The following KCNQ1 variants were observed in gnomAD, a reference collection of about 807,000 sequenced individuals.
The protein encoded by KCNQ1 is potassium voltage-gated channel subfamily KQT member 1.
In KCNQ1, 49 loss-of-function variants were observed where a neutral mutation model predicts 72.4. The observed-to-expected ratio is 0.68, with a 90% CI of 0.54 to 0.86. The LOEUF (loss-of-function observed/expected upper bound fraction) is 0.86, where lower values mean the gene tolerates loss of function less well. Ranked by LOEUF, KCNQ1 falls within the 40% of genes least tolerant of loss-of-function variation. KCNQ1 has a pLI of 0.00. For synonymous variants in KCNQ1, 450 were observed against 412.6 expected (o/e 1.09, Z -1.10); for missense variants, 790 against 945.1 (o/e 0.84, Z 2.15).
In KCNQ1 at chr11:2,603,134, C is replaced by T. The variant is rs1222376516; in HGVS notation, c.1393+14280C>T. Among the ~76,000 whole-genome samples, 2 of 152,204 alleles carry T rather than the reference C, an allele frequency of 1.3e-5. No homozygotes were observed. Among genetic ancestry groups the T allele is most frequent in the Non-Finnish European group, 2.9e-5 (2 of 68,034 alleles). ...GAGATATTGTGGTTCGGTTCCAGTACACTGCAATGAAGCAAATATTGCAAT... is the reference window on the plus strand; with the variant it reads ...GAGATATTGTGGTTCGGTTCCAGTATACTGCAATGAAGCAAATATTGCAAT... On this transcript the variant is annotated intron_variant, in intron 10 of 15. Transcript: ENST00000155840. The surrounding 1 kb of genome is among the most constrained non-coding windows in gnomAD (Gnocchi z 4.1).
In KCNQ1 at chr11:2,592,671, A is replaced by G. The variant is rs1305873918; in HGVS notation, c.1393+3817A>G. ...CACTTGGCTTGGCAGTGTCAAAGGG[A>G]CTGGGGACCTGCGAGGATGCGGTGG... On this transcript the variant is annotated intron_variant, in intron 10 of 15. Coordinates refer to ENST00000155840, the MANE Select transcript of KCNQ1 (RefSeq NM_000218.3). This position sits in a 1 kb window ranked among gnomAD's most constrained non-coding sequence, Gnocchi z 5.2. Among the ~76,000 whole-genome samples, 1 of 152,206 alleles carries G rather than the reference A, an allele frequency of 6.6e-6. No homozygotes were observed. Among genetic ancestry groups the G allele is most frequent in the Non-Finnish European group, 1.5e-5 (1 of 68,028 alleles).
At chr11:2,548,948 A>G (rs1847939066) in intron 2 of KCNQ1, among the ~76,000 whole-genome samples, 1 of 152,180 alleles carries the variant, frequency 6.6e-6, no homozygotes, top group Non-Finnish European at 1.5e-5. Context: ...CCACTGCCCC[A>G]GCCCTCCTGA....
chr11:2,656,839 T>G (rs975736244), intron 10 of KCNQ1: 1 of 398,544 alleles, frequency 2.5e-6, no homozygotes, highest in African/African-American at 2.1e-5. Context: ...CCTTTATAGT[T>G]ATGCTTTTCA....
intron 1 of KCNQ1, among the ~76,000 whole-genome samples, chr11:2,449,021 G>A (rs1240525775): frequency 1.3e-5 from 2 of 152,232 alleles, no homozygotes; most frequent in African/African-American, 4.8e-5. Context: ...CAGGAGGGTG[G>A]TAGGGACTTG....
intron 6 of KCNQ1, among the ~76,000 whole-genome samples, chr11:2,575,526 T>C: frequency 6.6e-6 from 1 of 152,234 alleles, no homozygotes; most frequent in East Asian, 1.9e-4. Flanking sequence ...GCAGCCCAGA[T>C]GGGGGCTTTT....
At chr11:2,680,007 C>T in intron 11 of KCNQ1, 1 of 396,892 alleles carries the variant, frequency 2.5e-6, no homozygotes, top group Non-Finnish European at 4.4e-6. Context: ...AATTCTCCTG[C>T]CTTAGCCTCC....
rs182087992 is a variant in KCNQ1 at position 2,826,143 on chromosome 11, G to A, written c.1795-21624G>A. On this transcript the variant is annotated intron_variant, in intron 15 of 15. Coordinates refer to ENST00000155840, the MANE Select transcript of KCNQ1 (RefSeq NM_000218.3). This position sits in a 1 kb window ranked among gnomAD's most constrained non-coding sequence, Gnocchi z 4.2. ...ATGCCAATGTCTTGAGTAATTATTG[G>A]GGGGCGGGGGCTGTCCAGCCCGCAG... 6.4e-3 allele frequency among the ~76,000 whole-genome samples: 971 copies of A among 152,376 alleles called. 7 individuals carry two copies. Among genetic ancestry groups the A allele is most frequent in the Admixed American group, 0.013 (198 of 15,314 alleles).
intron 11 of KCNQ1, among the ~76,000 whole-genome samples, chr11:2,730,436 C>T (rs924364396): frequency 6.6e-6 from 1 of 152,198 alleles, no homozygotes; most frequent in African/African-American, 2.4e-5. Context: ...CCCCACCTCC[C>T]TTGGCTTGTG....
intron 10 of KCNQ1, chr11:2,643,132 C>A (rs1590000511): frequency 2.5e-6 from 1 of 398,034 alleles, no homozygotes; most frequent in African/African-American, 2.1e-5. Context: ...AGTGTATATT[C>A]TGCAGCTGTT....
chr11:2,760,420 G>A (rs1425216136), intron 11 of KCNQ1, among the ~76,000 whole-genome samples: 3 of 152,240 alleles, frequency 2.0e-5, no homozygotes, highest in African/African-American at 7.2e-5. Flanking sequence ...GAACAGGTGA[G>A]ATACAGGTCA....
chr11:2,620,923 T>C lies in KCNQ1; in HGVS notation c.1393+32069T>C. 2.6e-6 allele frequency: 1 copy of C among 383,730 alleles called. No homozygotes were observed. The highest frequency in any genetic ancestry group is 5.0e-5 in the Admixed American group (1 of 19,992). The allele number at this position is 383,730 out of a possible 1,614,324, so 23.8% of individuals were successfully genotyped here. On this transcript the variant is annotated intron_variant, in intron 10 of 15. Transcript: ENST00000155840. This position sits in a 1 kb window ranked among gnomAD's most constrained non-coding sequence, Gnocchi z 4.5. ...ATGGCATCCCATTATGGTTTGGTGT[T>C]TTTTTGTTGTTGTTGTTTTGTTTTG...
intron 15 of KCNQ1, among the ~76,000 whole-genome samples, chr11:2,811,451 G>A (rs1396777137): frequency 6.6e-6 from 1 of 152,252 alleles, no homozygotes; most frequent in Non-Finnish European, 1.5e-5. Context: ...CTGCACGCAT[G>A]AGGCTGTGCC....
chr11:2,660,134 G>T, intron 10 of KCNQ1: 1 of 398,334 alleles, frequency 2.5e-6, no homozygotes, highest in East Asian at 3.6e-5. Flanking sequence ...AGGTCCTGGA[G>T]ATTTTCTCTT....
At chr11:2,616,860 G>A in intron 10 of KCNQ1, 2 of 398,206 alleles carry the variant, frequency 5.0e-6, no homozygotes, top group Non-Finnish European at 8.9e-6. Context: ...GTGTAGTTGG[G>A]TGGAGTGTCC....
intron 6 of KCNQ1, among the ~76,000 whole-genome samples, chr11:2,577,653 G>A (rs1434050021): frequency 6.6e-6 from 1 of 152,208 alleles, no homozygotes; most frequent in Non-Finnish European, 1.5e-5. Context: ...GTCTGCTTTT[G>A]CTTTTACCCT....
intron 15 of KCNQ1, among the ~76,000 whole-genome samples, chr11:2,829,138 T>A (rs375580677): frequency 1.3e-5 from 2 of 151,716 alleles, no homozygotes; most frequent in East Asian, 3.9e-4. Flanking sequence ...TCTAGCAAAA[T>A]GAGAGGAAAA....
In KCNQ1 at chr11:2,647,431, A is replaced by G. The variant is rs1849683568; in HGVS notation, c.1394-14530A>G. ...TTCTGAGGATTCTGCATCTATGTTC[A>G]TCAGGGAGATTGGCCTGTAGTTTTC... On this transcript the variant is annotated intron_variant, in intron 10 of 15. Transcript: ENST00000155840. The surrounding 1 kb of genome is among the most constrained non-coding windows in gnomAD (Gnocchi z 4.0). The G allele has an allele frequency of 2.5e-6, 1 of 398,528 alleles. No homozygotes were observed. Among genetic ancestry groups the G allele is most frequent in the Non-Finnish European group, 4.4e-6 (1 of 226,040 alleles). The allele number at this position is 398,528 out of a possible 1,614,324, so 24.7% of individuals were successfully genotyped here.
At position 2,515,234 on chromosome 11, in the gene KCNQ1, A is replaced by T. The variant is rs970192596; in HGVS notation, c.387-12694A>T. On this transcript the variant is annotated intron_variant, in intron 1 of 15. Transcript: ENST00000155840. The surrounding 1 kb of genome is among the most constrained non-coding windows in gnomAD (Gnocchi z 4.7). ...CCTTTCTCCGTCTTTCTGTCCAAGC[A>T]TCCCATCTGTCTAGCTTCCACTCAT... Among the ~76,000 whole-genome samples, 1 of 151,938 alleles carries T rather than the reference A, an allele frequency of 6.6e-6. No homozygotes were observed. The highest frequency in any genetic ancestry group is 6.6e-5 in the Admixed American group (1 of 15,262).
At chr11:2,760,553 G>A (rs1018258579) in intron 11 of KCNQ1, among the ~76,000 whole-genome samples, 1 of 152,182 alleles carries the variant, frequency 6.6e-6, no homozygotes, top group African/African-American at 2.4e-5. Flanking sequence ...GGTGCGGGCA[G>A]GGAGAGGGTC....
Sources: allele counts gnomAD v4.1 joint callset (sites outside exome capture counted in the v4.1 genomes callset), GRCh38; gene constraint gnomAD v4.1.1; non-coding constraint Gnocchi (gnomAD v3.1); transcripts MANE v1.5; gene names NCBI Gene and HGNC (gene_info 2026-07-23, HGNC 2026-07-21).